LRRC49: variants seen among roughly 807,000 people sequenced by gnomAD.
LRRC49 encodes the protein leucine-rich repeat-containing protein 49.
In LRRC49, 50 loss-of-function variants were observed where a neutral mutation model predicts 83.3. The observed-to-expected ratio is 0.60, with a 90% CI of 0.48 to 0.76. The LOEUF (loss-of-function observed/expected upper bound fraction) is 0.76. Ranked by LOEUF, LRRC49 falls within the 30% of genes least tolerant of loss-of-function variation. The probability of loss-of-function intolerance (pLI) is 0.00; values close to 1 mark genes in which losing one functional copy is unlikely to be tolerated. For synonymous variants in LRRC49, 286 were observed against 283.3 expected (o/e 1.01, Z -0.10); for missense variants, 704 against 809.1 (o/e 0.87, Z 1.58).
At chr15:70,923,206 T>C (rs536229882) in intron 7 of LRRC49, among the ~76,000 whole-genome samples, 13 of 152,192 alleles carry the variant, frequency 8.5e-5, no homozygotes, top group African/African-American at 3.1e-4. Flanking sequence ...TTTTATTCTA[T>C]GGCCATTCTT....
intron 14 of LRRC49, among the ~76,000 whole-genome samples, chr15:71,031,579 A>T (rs1296061494): frequency 6.6e-6 from 1 of 152,198 alleles, no homozygotes; most frequent in African/African-American, 2.4e-5. Flanking sequence ...GCTGGCAGGC[A>T]GGAACGATTA....
chr15:70,871,259 C>A (rs1034583534), intron 1 of LRRC49, among the ~76,000 whole-genome samples: 5 of 152,078 alleles, frequency 3.3e-5, no homozygotes, highest in Admixed American at 6.5e-5. Context: ...TCAGAGAGCA[C>A]GGGGTTGGGG....
intron 8 of LRRC49, among the ~76,000 whole-genome samples, chr15:70,948,495 GTTTTTT>G (rs34256149): frequency 7.1e-6 from 1 of 140,744 alleles, no homozygotes; most frequent in Non-Finnish European, 1.5e-5. Flanking sequence ...CATTAGCAAA[GTTTTTT>G]TTTTTTTTTT....
At position 71,021,635 on chromosome 15, in the gene LRRC49, C is replaced by G. The variant is rs761321467; in HGVS notation, c.1703+8722C>G. 3.9e-5 allele frequency among the ~76,000 whole-genome samples: 6 copies of G among 152,110 alleles called. No homozygotes were observed. In the East Asian group the frequency reaches 1.2e-3, roughly 29 times the overall value. ...GGATCTTATGCCTTCAGCTGGGGTCCTCATGTGTCAGTAGTCACCTGTGGA... is the reference window on the plus strand; with the variant it reads ...GGATCTTATGCCTTCAGCTGGGGTCGTCATGTGTCAGTAGTCACCTGTGGA... On this transcript the variant is annotated intron_variant, in intron 14 of 15. Transcript: ENST00000260382.
chr15:70,892,639 C>T (rs1216363360), upstream of LRRC49: 5 of 1,447,518 alleles, frequency 3.5e-6, no homozygotes. Flanking sequence ...CCTCCCAATA[C>T]TCCCGCTCTG....
chr15:70,948,491 C>CA (rs2036092075), intron 8 of LRRC49, among the ~76,000 whole-genome samples: 1 of 98,506 alleles, frequency 1.0e-5, no homozygotes, highest in Non-Finnish European at 2.1e-5. Flanking sequence ...ATTCCATTAG[C>CA]AAAGTTTTTT....
intron 11 of LRRC49, among the ~76,000 whole-genome samples, chr15:70,988,555 A>C (rs1407756477): frequency 1.3e-5 from 2 of 152,000 alleles, no homozygotes; most frequent in African/African-American, 4.8e-5. Flanking sequence ...GGGTTTCCTG[A>C]ATACAGCACA....
intron 14 of LRRC49, among the ~76,000 whole-genome samples, chr15:71,022,024 A>G (rs764752244): frequency 1.3e-5 from 2 of 152,198 alleles, no homozygotes; most frequent in South Asian, 2.1e-4. Context: ...ACAACCATCA[A>G]TGTAATGAAT....
At chr15:70,972,498 T>G (rs1379826835) in intron 9 of LRRC49, among the ~76,000 whole-genome samples, 1 of 152,206 alleles carries the variant, frequency 6.6e-6, no homozygotes, top group Non-Finnish European at 1.5e-5. Context: ...CTTTGTGGTG[T>G]TCTCCGTATT....
At chr15:70,909,667 C>A (rs148311998) in intron 5 of LRRC49, among the ~76,000 whole-genome samples, 1 of 152,138 alleles carries the variant, frequency 6.6e-6, no homozygotes. Context: ...GGTGAAACCC[C>A]GTCTCTACCA....
At chr15:70,981,053 G>A (rs1266830487) in intron 10 of LRRC49, among the ~76,000 whole-genome samples, 1 of 152,080 alleles carries the variant, frequency 6.6e-6, no homozygotes, top group Non-Finnish European at 1.5e-5. Flanking sequence ...TTAGTTACGA[G>A]GTTTACTTAG....
chr15:70,940,826 G>A (rs965763198), intron 8 of LRRC49, among the ~76,000 whole-genome samples: 8 of 152,282 alleles, frequency 5.3e-5, no homozygotes, highest in African/African-American at 1.9e-4. Context: ...TTAAATTTGA[G>A]AAATGAGTAC....
intron 10 of LRRC49, 49 bp from the exon 11 acceptor site, chr15:70,984,045 C>T (rs2037499904): frequency 6.8e-7 from 1 of 1,467,636 alleles, no homozygotes; most frequent in Non-Finnish European, 9.5e-7. Context: ...GTCACTTCTG[C>T]TACAAAAATT....
At chr15:70,938,488 C>T (rs2035682305) in intron 8 of LRRC49, among the ~76,000 whole-genome samples, 1 of 152,136 alleles carries the variant, frequency 6.6e-6, no homozygotes, top group African/African-American at 2.4e-5. Context: ...GCTTTTGAGG[C>T]ACAGTATGTT....
Position 70,900,487 on chromosome 15 carries a change from C to T in LRRC49, c.194-435C>T, listed in dbSNP as rs8026975. The T allele has an allele frequency of 5.3e-3, 2,420 of 456,736 alleles. 55 individuals carry two copies. The highest frequency in any genetic ancestry group is 0.042 in the African/African-American group (2,131 of 50,192). 28.3% of individuals were successfully genotyped at this position (456,736 alleles called of 1,614,324 possible). Reference sequence around the variant, plus strand: ...TATGGGCTGGAAATGAAAACTGCCACGAGGTCCTTATCAGCATTTGGAGAT... The same window carrying T: ...TATGGGCTGGAAATGAAAACTGCCATGAGGTCCTTATCAGCATTTGGAGAT... On this transcript the variant is annotated intron_variant, in intron 3 of 15. Coordinates refer to ENST00000260382, the MANE Select transcript of LRRC49 (RefSeq NM_017691.5).
intron 11 of LRRC49, among the ~76,000 whole-genome samples, chr15:71,003,381 G>C (rs1465794283): frequency 6.6e-6 from 1 of 152,158 alleles, no homozygotes; most frequent in Non-Finnish European, 1.5e-5. Flanking sequence ...AATATAATTG[G>C]AAATGTATTG....
intron 8 of LRRC49, among the ~76,000 whole-genome samples, chr15:70,943,922 G>A (rs1407724007): frequency 2.0e-5 from 3 of 152,160 alleles, no homozygotes; most frequent in African/African-American, 7.2e-5. Context: ...CCTGGTTGCT[G>A]GGGAGCCCTC....
intron 2 of LRRC49, among the ~76,000 whole-genome samples, chr15:70,883,265 C>T (rs2033314403): frequency 6.6e-6 from 1 of 152,022 alleles, no homozygotes; most frequent in East Asian, 1.9e-4. Context: ...CATCTCGGCT[C>T]ACTGCAATCT....
chr15:71,006,439 T>TA (rs2038460665), intron 11 of LRRC49, among the ~76,000 whole-genome samples: 1 of 152,178 alleles, frequency 6.6e-6, no homozygotes, highest in Non-Finnish European at 1.5e-5. Context: ...TTTTGCTGGT[T>TA]ACTGTGGCCA....
Sources: allele counts gnomAD v4.1 joint callset (sites outside exome capture counted in the v4.1 genomes callset), GRCh38; gene constraint gnomAD v4.1.1; transcripts MANE v1.5; gene names NCBI Gene and HGNC (gene_info 2026-07-23, HGNC 2026-07-21).